The following NTNG1 variants were observed in gnomAD, a reference collection of about 807,000 sequenced individuals.
NTNG1 encodes the protein netrin-G1.
Under a neutral mutation model 54.0 loss-of-function variants are expected in NTNG1, and 16 were observed. That is an observed-to-expected ratio of 0.30 (90% CI 0.20 to 0.45). The LOEUF (loss-of-function observed/expected upper bound fraction) is 0.45. Among genes scored for constraint, NTNG1 ranks in the 20% least tolerant of loss-of-function variants. The probability of loss-of-function intolerance (pLI) is 1.00; values close to 1 mark genes in which losing one functional copy is unlikely to be tolerated. For missense variants in NTNG1, 530 were observed against 678.7 expected (o/e 0.78, Z 2.43); for synonymous variants, 255 against 263.1 (o/e 0.97, Z 0.30).
At chr1:107,349,053 A>T (rs1669435735) in intron 3 of NTNG1, among the ~76,000 whole-genome samples, 1 of 152,044 alleles carries the variant, frequency 6.6e-6, no homozygotes, top group Non-Finnish European at 1.5e-5. Context: ...TTCCTCTGGG[A>T]TTACTACTCC....
At chr1:107,367,065 CGTGT>C (rs57282130) in intron 3 of NTNG1, among the ~76,000 whole-genome samples, 3,064 of 148,372 alleles carry the variant, frequency 0.021, 49 homozygotes, top group Middle Eastern at 0.053. Context: ...TTTATCTGTT[CGTGT>C]GTGTGTGTGT....
chr1:107,142,096 T>C (rs1245659135), intron 1 of NTNG1, among the ~76,000 whole-genome samples: 1 of 152,142 alleles, frequency 6.6e-6, no homozygotes, highest in African/African-American at 2.4e-5. Context: ...TCTCATATTC[T>C]TTACTGGCAT....
At chr1:107,289,874 A>T (rs896069785) in intron 2 of NTNG1, among the ~76,000 whole-genome samples, 2 of 152,152 alleles carry the variant, frequency 1.3e-5, no homozygotes, top group Non-Finnish European at 2.9e-5. Context: ...TTTTATATTA[A>T]TTGATTTTTA....
intron 7 of NTNG1, among the ~76,000 whole-genome samples, chr1:107,479,559 T>C (rs1158442920): frequency 6.6e-6 from 1 of 152,002 alleles, no homozygotes; most frequent in Non-Finnish European, 1.5e-5. Context: ...TCCAGAGGGG[T>C]TCTATATATT....
rs549057697 is a variant in NTNG1, at chr1:107,206,893, G to A, written c.246+58054G>A. On this transcript the variant is annotated intron_variant, in intron 2 of 7. Transcript: ENST00000370068. ...CCCGCCTTTAATATAAGACCTCGAT[G>A]TATATTCCGCCATCTCGCTGGTGCA... 1.0e-3 allele frequency among the ~76,000 whole-genome samples: 158 copies of A among 152,202 alleles called. 1 individual carries two copies. The highest frequency in any genetic ancestry group is 2.0e-3 in the Non-Finnish European group (133 of 68,030).
chr1:107,257,705 CA>C (rs1218933223), intron 2 of NTNG1, among the ~76,000 whole-genome samples: 1 of 152,174 alleles, frequency 6.6e-6, no homozygotes, highest in African/African-American at 2.4e-5. Flanking sequence ...GCATGGACTC[CA>C]GCTGAGAGAA....
chr1:107,249,843 A>G (rs986352821), intron 2 of NTNG1, among the ~76,000 whole-genome samples: 1 of 152,206 alleles, frequency 6.6e-6, no homozygotes, highest in Non-Finnish European at 1.5e-5. Flanking sequence ...AAATGTTACC[A>G]TAATATGCAT....
intron 3 of NTNG1, among the ~76,000 whole-genome samples, chr1:107,380,818 CTCATAG>C (rs1387584759): frequency 6.6e-6 from 1 of 152,134 alleles, no homozygotes; most frequent in Non-Finnish European, 1.5e-5. Flanking sequence ...CCTCAAGAAG[CTCATAG>C]TCCTGGTTCC....
chr1:107,288,796 A>G (rs1426383012), intron 2 of NTNG1, among the ~76,000 whole-genome samples: 1 of 152,114 alleles, frequency 6.6e-6, no homozygotes, highest in Non-Finnish European at 1.5e-5. Flanking sequence ...TAATTTATGT[A>G]TTTTGTTCAA....
intron 2 of NTNG1, 44 bp downstream of exon 2, chr1:107,148,883 C>G: frequency 6.3e-7 from 1 of 1,577,836 alleles, no homozygotes. Flanking sequence ...TAAATAGGGT[C>G]TAATCGCATA....
chr1:107,416,461 T>C (rs922280875), intron 5 of NTNG1, among the ~76,000 whole-genome samples: 26 of 152,008 alleles, frequency 1.7e-4, no homozygotes, highest in African/African-American at 5.1e-4. Flanking sequence ...GTCCATACAG[T>C]TCAAGAAGTC....
chr1:107,252,196 G>GA (rs2101622201), intron 2 of NTNG1, among the ~76,000 whole-genome samples: 1 of 152,196 alleles, frequency 6.6e-6, no homozygotes, highest in Admixed American at 6.5e-5. Context: ...TTTTGTTCAG[G>GA]CCAAATTAAA....
intron 2 of NTNG1, among the ~76,000 whole-genome samples, chr1:107,302,255 G>A (rs1212451938): frequency 6.6e-6 from 1 of 151,946 alleles, no homozygotes; most frequent in African/African-American, 2.4e-5. Context: ...CCTGGCTTTG[G>A]GTCAAAGAGA....
At chr1:107,184,601 C>T (rs1292887181) in intron 2 of NTNG1, among the ~76,000 whole-genome samples, 11 of 152,074 alleles carry the variant, frequency 7.2e-5, no homozygotes, top group Admixed American at 6.6e-4. Flanking sequence ...TTTATATATC[C>T]ACTACATTCG....
At chr1:107,164,295 A>T (rs1463080824) in intron 2 of NTNG1, among the ~76,000 whole-genome samples, 1 of 152,238 alleles carries the variant, frequency 6.6e-6, no homozygotes, top group African/African-American at 2.4e-5. Context: ...CCCAAGCACC[A>T]TGCAGGCCTC....
At chr1:107,357,721 T>C (rs779358896) in intron 3 of NTNG1, among the ~76,000 whole-genome samples, 1 of 152,332 alleles carries the variant, frequency 6.6e-6, no homozygotes, top group South Asian at 2.1e-4. Context: ...TTTTCAGTGA[T>C]ATTTAACAAT....
intron 5 of NTNG1, among the ~76,000 whole-genome samples, chr1:107,420,520 A>T (rs1254307486): frequency 1.3e-5 from 2 of 152,066 alleles, no homozygotes; most frequent in Non-Finnish European, 2.9e-5. Flanking sequence ...ACAAGCTGAT[A>T]TCATCAAAAA....
At chr1:107,241,792 G>A (rs1404806534) in intron 2 of NTNG1, among the ~76,000 whole-genome samples, 1 of 151,880 alleles carries the variant, frequency 6.6e-6, no homozygotes, top group East Asian at 1.9e-4. Flanking sequence ...ATATTTTAGG[G>A]CAAAAAAAGT....
At chr1:107,454,645 C>T (rs896378588) in intron 7 of NTNG1, among the ~76,000 whole-genome samples, 6 of 152,126 alleles carry the variant, frequency 3.9e-5, no homozygotes, top group Non-Finnish European at 8.8e-5. Flanking sequence ...CATGTCACTT[C>T]ACTAATTAAT....
Sources: allele counts gnomAD v4.1 joint callset (sites outside exome capture counted in the v4.1 genomes callset), GRCh38; gene constraint gnomAD v4.1.1; transcripts MANE v1.5; gene names NCBI Gene and HGNC (gene_info 2026-07-23, HGNC 2026-07-21).